Variants in CLTB observed in about 807,000 individuals in gnomAD.
CLTB encodes the protein clathrin light chain B.
In CLTB, 10 loss-of-function variants were observed where a neutral mutation model predicts 30.5. The observed-to-expected ratio is 0.33, with a 90% CI of 0.20 to 0.56. The LOEUF (loss-of-function observed/expected upper bound fraction) is 0.56. Among genes scored for constraint, CLTB ranks in the 20% least tolerant of loss-of-function variants. CLTB has a pLI of 0.91. For synonymous variants in CLTB, 102 were observed against 120.3 expected (o/e 0.85, Z 1.00); for missense variants, 261 against 308.3 (o/e 0.85, Z 1.15).
chr5:176,396,618 G>T, intron 4 of CLTB, 86 bp from the exon 5 acceptor site: 1 of 951,668 alleles, frequency 1.1e-6, no homozygotes, highest in Non-Finnish European at 1.7e-6. Flanking sequence ...GAGAGAGAGA[G>T]AGAGACAGCA....
chr5:176,406,486 T>C, intron 2 of CLTB: 1 of 1,201,170 alleles, frequency 8.3e-7, no homozygotes. Context: ...AAATCTAAGC[T>C]AAGCTGAGCT....
At chr5:176,410,467 C>T (rs1006867642) in intron 1 of CLTB, among the ~76,000 whole-genome samples, 164 bp from the exon 2 acceptor site, 3 of 152,174 alleles carry the variant, frequency 2.0e-5, no homozygotes, top group Non-Finnish European at 2.9e-5. Flanking sequence ...GGCTCAATCC[C>T]ACCCCTGACT....
At position 176,392,739 on chromosome 5, in the gene CLTB, A is replaced by T; in HGVS notation, c.*35T>A. On this transcript the variant is annotated 3_prime_UTR_variant, in exon 6 of 6. Coordinates refer to ENST00000310418, the MANE Select transcript of CLTB (RefSeq NM_007097.5). This position sits in a 1 kb window ranked among gnomAD's most constrained non-coding sequence, Gnocchi z 5.2. ...AGCTGCTCCTCCTGTGCCCAGGCCCAGCCCATGCTCTGTGGCCATGCACCT... is the reference window on the plus strand; with the variant it reads ...AGCTGCTCCTCCTGTGCCCAGGCCCTGCCCATGCTCTGTGGCCATGCACCT... 6.2e-7 allele frequency: 1 copy of T among 1,609,542 alleles called. No homozygotes were observed.
intron 2 of CLTB, among the ~76,000 whole-genome samples, chr5:176,400,419 G>A (rs1228536880): frequency 4.6e-5 from 7 of 152,110 alleles, no homozygotes; most frequent in Non-Finnish European, 8.8e-5. Context: ...ACAACGTAGT[G>A]GCAGAGCCAG....
chr5:176,411,400 C>T (rs1757420368), intron 1 of CLTB, among the ~76,000 whole-genome samples: 1 of 152,208 alleles, frequency 6.6e-6, no homozygotes, highest in South Asian at 2.1e-4. Flanking sequence ...CCTACTCCTG[C>T]CTTGGGGACT....
intron 2 of CLTB, among the ~76,000 whole-genome samples, chr5:176,403,940 A>G (rs1415851718): frequency 6.6e-6 from 1 of 151,726 alleles, no homozygotes; most frequent in Non-Finnish European, 1.5e-5. Context: ...TTTTATTTTT[A>G]GTAGAGACAG....
intron 2 of CLTB, chr5:176,406,743 T>C (rs774868285): frequency 2.4e-6 from 3 of 1,270,012 alleles, no homozygotes; most frequent in Non-Finnish European, 3.1e-6. Context: ...GCACAAAAGC[T>C]CTGTCTGGGA....
At chr5:176,412,011 C>T (rs1189632156) in intron 1 of CLTB, among the ~76,000 whole-genome samples, 1 of 151,962 alleles carries the variant, frequency 6.6e-6, no homozygotes, top group Non-Finnish European at 1.5e-5. Context: ...CCCGTCTCTA[C>T]TAAAAATACA....
chr5:176,401,363 A>C (rs1032797495), intron 2 of CLTB, among the ~76,000 whole-genome samples: 1 of 152,260 alleles, frequency 6.6e-6, no homozygotes, highest in Non-Finnish European at 1.5e-5. Context: ...TAAAAATACA[A>C]TGAAGGCATC....
Position 176,399,640 on chromosome 5 carries a change from T to A in CLTB, c.235-1593A>T, listed in dbSNP as rs917515685. Among the ~76,000 whole-genome samples the A allele has an allele frequency of 3.9e-5, 6 of 152,256 alleles. No homozygotes were observed. In the East Asian group the frequency reaches 1.2e-3, roughly 29 times the overall value. On this transcript the variant is annotated intron_variant, in intron 2 of 5. Coordinates refer to ENST00000310418, the MANE Select transcript of CLTB (RefSeq NM_007097.5). Reference sequence around the variant, plus strand: ...CAGGCACGGTGGCTCACGCCTGTAATTCCAGCACTTTGGGAGGCCGAAGCG... The same window carrying A: ...CAGGCACGGTGGCTCACGCCTGTAAATCCAGCACTTTGGGAGGCCGAAGCG...
At chr5:176,402,595 T>C (rs1294317928) in intron 2 of CLTB, among the ~76,000 whole-genome samples, 2 of 152,202 alleles carry the variant, frequency 1.3e-5, no homozygotes, top group African/African-American at 4.8e-5. Flanking sequence ...CTCCCTGCCA[T>C]GAGGGCAGAG....
Position 176,392,632 on chromosome 5 carries a change from C to G in CLTB, c.*142G>C. On this transcript the variant is annotated 3_prime_UTR_variant, in exon 6 of 6. Coordinates refer to ENST00000310418, the MANE Select transcript of CLTB (RefSeq NM_007097.5). The surrounding 1 kb of genome is among the most constrained non-coding windows in gnomAD (Gnocchi z 5.2). ...GAGCGAGGCGTGATGGGGTGAGGGC[C>G]CCCCTCCCAGCGCCTGGAGATGGGG... The G allele has an allele frequency of 1.1e-6, 1 of 948,390 alleles. No homozygotes were observed. The highest frequency in any genetic ancestry group is 2.6e-5 in the East Asian group (1 of 38,528). 58.7% of individuals were successfully genotyped at this position (948,390 alleles called of 1,614,324 possible). A position where few individuals can be genotyped will look rare whatever the true frequency, so the allele number is the denominator to read the frequency against.
intron 2 of CLTB, among the ~76,000 whole-genome samples, chr5:176,401,077 G>A (rs1756795225): frequency 6.6e-6 from 1 of 152,196 alleles, no homozygotes; most frequent in Non-Finnish European, 1.5e-5. Flanking sequence ...GCAATTCAGA[G>A]ACTCTCTCCC....
intron 2 of CLTB, among the ~76,000 whole-genome samples, chr5:176,400,239 A>C (rs1756752111): frequency 6.6e-6 from 1 of 152,086 alleles, no homozygotes; most frequent in Non-Finnish European, 1.5e-5. Flanking sequence ...AAAAGGAATA[A>C]TATTAAGAAC....
intron 1 of CLTB, among the ~76,000 whole-genome samples, chr5:176,412,853 T>G (rs543940036): frequency 6.6e-6 from 1 of 152,242 alleles, no homozygotes; most frequent in South Asian, 2.1e-4. Context: ...GCAAAGGGGC[T>G]TCTTCTGCTG....
chr5:176,415,596 T>C (rs773038274), intron 1 of CLTB, among the ~76,000 whole-genome samples: 5 of 152,238 alleles, frequency 3.3e-5, no homozygotes, highest in Non-Finnish European at 7.3e-5. Flanking sequence ...TACTAGTTAT[T>C]TCAATAGCAT....
chr5:176,403,759 G>T (rs1581436114), intron 2 of CLTB, among the ~76,000 whole-genome samples: 1 of 145,786 alleles, frequency 6.9e-6, no homozygotes. Context: ...GCCTGTTTTT[G>T]TGTGTGTGTG....
intron 5 of CLTB, among the ~76,000 whole-genome samples, chr5:176,395,399 T>C (rs908280631): frequency 2.0e-5 from 3 of 152,036 alleles, no homozygotes; most frequent in Non-Finnish European, 4.4e-5. Context: ...GTCTTACCAA[T>C]CTGGCACAAG....
In CLTB at chr5:176,393,033, TG is replaced by T; in HGVS notation, c.519-89del. ...CAAGGCTGCTTTGCCCAGCCTACTCTGGGGCACTGTGTCCTCCCCAGCCTTG... is the reference window on the plus strand; with the variant it reads ...CAAGGCTGCTTTGCCCAGCCTACTCTGGGCACTGTGTCCTCCCCAGCCTTG... On this transcript the variant is annotated intron_variant, in intron 5 of 5. Transcript: ENST00000310418. The surrounding 1 kb of genome is among the most constrained non-coding windows in gnomAD (Gnocchi z 4.4). 1 of 1,424,356 alleles carries T rather than the reference TG, an allele frequency of 7.0e-7. No individual in the cohort carries two copies. Among genetic ancestry groups the T allele is most frequent in the Non-Finnish European group, 9.8e-7 (1 of 1,017,394 alleles). The allele number at this position is 1,424,356 out of a possible 1,614,324, so 88.2% of individuals were successfully genotyped here. A position where few individuals can be genotyped will look rare whatever the true frequency, so the allele number is the denominator to read the frequency against.
Sources: gnomAD v4.1 joint callset for allele counts (sites outside exome capture counted in the v4.1 genomes callset) on GRCh38, gnomAD v4.1.1 for gene constraint, Gnocchi (gnomAD v3.1) non-coding constraint, MANE v1.5 for transcripts, NCBI Gene and HGNC (gene_info 2026-07-23, HGNC 2026-07-21) for gene names.